ADPRHL1: variants seen among roughly 807,000 people sequenced by gnomAD.
ADPRHL1 encodes the protein ADP-ribosylhydrolase like 1, also known as inactive ADP-ribosyltransferase ARH2.
Under a neutral mutation model 44.1 loss-of-function variants are expected in ADPRHL1, and 43 were observed. The ratio of observed to expected loss-of-function variants is 0.98; its 90% CI spans 0.76 to 1.26. The LOEUF (loss-of-function observed/expected upper bound fraction) is 1.26, where lower values mean the gene tolerates loss of function less well. Among genes scored for constraint, ADPRHL1 ranks in the 50% most tolerant of loss-of-function variants. The pLI is 0.00. For missense variants in ADPRHL1, 2,022 were observed against 2,496.9 expected, an observed-to-expected ratio of 0.81 and a Z score of 4.05; for synonymous variants, 878 against 1,017.4, an observed-to-expected ratio of 0.86 and a Z score of 2.61.
chr13:113,446,573 A>G (rs1025278545), intron 1 of ADPRHL1, among the ~76,000 whole-genome samples: 1 of 151,620 alleles, frequency 6.6e-6, no homozygotes, highest in Non-Finnish European at 1.5e-5. Context: ...TGTTGTCTAC[A>G]TGCACAGTGT....
At chr13:113,440,246 A>G (rs2044087772) in intron 2 of ADPRHL1, among the ~76,000 whole-genome samples, 1 of 152,136 alleles carries the variant, frequency 6.6e-6, no homozygotes, top group African/African-American at 2.4e-5. Context: ...CAGCATTGTC[A>G]GTTTTTGCTT....
chr13:113,407,592 C>T lies in ADPRHL1; in HGVS notation c.1690G>A (p.Glu564Lys), dbSNP rs943585834. Residue 564 changes from glutamate (E) to lysine (K), a missense_variant, in exon 8 of 8, where the codon GAG becomes AAG. By Grantham distance (56) the Glu-to-Lys change is moderately conservative. Coordinates refer to ENST00000612156, the MANE Select transcript of ADPRHL1 (RefSeq NM_001394807.1). ...GTGTGCAGCCTCAGCGCACTGGCCT[C>T]GGAGCACAGGCAGCTGTTCTGCTCG... The part of the protein sequence containing the change: ...KFEQNSCLCS[E>K]ASALRLHTQE... The T allele has an allele frequency of 1.1e-5, 13 of 1,232,096 alleles. No homozygotes were observed. Among genetic ancestry groups the T allele is most frequent in the Admixed American group, 4.2e-5 (1 of 23,714 alleles). 76.3% of individuals were successfully genotyped at this position (1,232,096 alleles called of 1,614,324 possible). A position where few individuals can be genotyped will look rare whatever the true frequency, so the allele number is the denominator to read the frequency against.
chr13:113,420,032 C>T (rs1006806006), intron 7 of ADPRHL1, among the ~76,000 whole-genome samples: 4 of 151,672 alleles, frequency 2.6e-5, no homozygotes, highest in East Asian at 1.9e-4. Flanking sequence ...GAGGCTTAGG[C>T]GACCGTGACC....
rs923387614 is a variant in ADPRHL1 at position 113,405,120 on chromosome 13, C to T, written c.4162G>A (p.Glu1388Lys). The change falls in exon 8 of 8, where the codon GAG becomes AAG. Residue 1388 changes from glutamate (E) to lysine (K), a missense_variant. Glu to Lys is a moderately conservative substitution (Grantham distance 56). Coordinates refer to ENST00000612156, the MANE Select transcript of ADPRHL1 (RefSeq NM_001394807.1). ...CCCGCATCCCCGGGCTGGGGGGTCT[C>T]CTCCTGTGCCTGGTGACTCTGTTGC... ...GRQQSHQAQE[E>K]TPQPGDAGKR... 1 of 1,232,164 alleles carries T rather than the reference C, an allele frequency of 8.1e-7. No homozygotes were observed. The highest frequency in any genetic ancestry group is 1.0e-6 in the Non-Finnish European group (1 of 988,300). The allele number at this position is 1,232,164 out of a possible 1,614,324, so 76.3% of individuals were successfully genotyped here.
chr13:113,405,324 C>T lies in ADPRHL1; in HGVS notation c.3958G>A (p.Ala1320Thr), dbSNP rs1000636897. 12 of 1,231,838 alleles carry T rather than the reference C, an allele frequency of 9.7e-6. No homozygotes were observed. The highest frequency in any genetic ancestry group is 8.4e-5 in the Admixed American group (2 of 23,728). 76.3% of individuals were successfully genotyped at this position (1,231,838 alleles called of 1,614,324 possible). ...CCTACCCACCCCATGTCCACCTCCG[C>T]GGGAGGCACTGCGGGAAGCAGATGG... ...PDHLLPAVPP[A>T]EVDMGWVGGT... Residue 1320 changes from alanine (A) to threonine (T), a missense_variant, in exon 8 of 8, where the codon GCG (alanine) becomes ACG (threonine). By Grantham distance (58) the Ala-to-Thr change is moderately conservative. Coordinates refer to ENST00000612156, the MANE Select transcript of ADPRHL1 (RefSeq NM_001394807.1).
chr13:113,432,635 G>A (rs1193959387), intron 3 of ADPRHL1, among the ~76,000 whole-genome samples: 2 of 60,976 alleles, frequency 3.3e-5, no homozygotes, highest in African/African-American at 5.8e-5. Context: ...GTAAAGGCAC[G>A]CACCTGCTTT....
chr13:113,448,257 G>A (rs1370004051), intron 1 of ADPRHL1, among the ~76,000 whole-genome samples: 1 of 151,902 alleles, frequency 6.6e-6, no homozygotes, highest in African/African-American at 2.4e-5. Flanking sequence ...CACTTTGGGA[G>A]GCTGGGATGG....
In ADPRHL1 at chr13:113,444,474, T is replaced by C. The variant is rs973078435; in HGVS notation, c.330A>G (p.Leu110=). ...AGGCGAGAAGGTAGTTATTGGGCTT[T>C]AGCTGAGCACAGCCTTCAATGGTAG... The part of the protein sequence containing the change: ...DPATIEGCAQ[L]KPNNYLLAWH... Residue 110 remains leucine, a synonymous_variant, in exon 2 of 8, where the codon CTA becomes CTG. Transcript: ENST00000612156. The C allele has an allele frequency of 4.3e-6, 7 of 1,614,110 alleles. No homozygotes were observed. Among genetic ancestry groups the C allele is most frequent in the Non-Finnish European group, 5.9e-6 (7 of 1,180,048 alleles).
At chr13:113,436,597 G>A (rs371757978) in intron 2 of ADPRHL1, among the ~76,000 whole-genome samples, 1 of 21,924 alleles carries the variant, frequency 4.6e-5, no homozygotes. Flanking sequence ...GAACATAGGT[G>A]TACCCCGGGA....
At chr13:113,451,361 C>T (rs553760936) in intron 1 of ADPRHL1, among the ~76,000 whole-genome samples, 2 of 152,156 alleles carry the variant, frequency 1.3e-5, no homozygotes, top group South Asian at 4.2e-4. Context: ...GCCTCAGTGC[C>T]TGGGTGGCTT....
intron 7 of ADPRHL1, among the ~76,000 whole-genome samples, chr13:113,419,054 T>C: frequency 2.7e-5 from 4 of 149,166 alleles, no homozygotes; most frequent in South Asian, 2.2e-4. Context: ...CCCTTCCTTC[T>C]TCTCCTTCCT....
intron 3 of ADPRHL1, among the ~76,000 whole-genome samples, chr13:113,430,399 G>A (rs1374632021): frequency 2.0e-5 from 3 of 152,190 alleles, no homozygotes; most frequent in Non-Finnish European, 4.4e-5. Context: ...CAGCCGCTGC[G>A]GGTCAGTAGT....
intron 1 of ADPRHL1, among the ~76,000 whole-genome samples, chr13:113,446,701 T>A (rs1004979785): frequency 6.6e-6 from 1 of 152,044 alleles, no homozygotes; most frequent in South Asian, 2.1e-4. Context: ...CTGTCCTGCA[T>A]GTATGATATT....
intron 1 of ADPRHL1, among the ~76,000 whole-genome samples, chr13:113,450,389 C>T (rs1477845268): frequency 6.6e-6 from 1 of 152,118 alleles, no homozygotes; most frequent in Admixed American, 6.5e-5. Flanking sequence ...CCCACAGGGT[C>T]GGTGGGTCTC....
intron 2 of ADPRHL1, among the ~76,000 whole-genome samples, chr13:113,443,773 C>T (rs2044115888): frequency 6.6e-6 from 1 of 152,002 alleles, no homozygotes; most frequent in South Asian, 2.1e-4. Flanking sequence ...GGTGAAACCC[C>T]ATCCTTACTA....
chr13:113,410,979 G>A lies in ADPRHL1; in HGVS notation c.1062-2759C>T, dbSNP rs548387600. ...AGAGCCTGTCACACGTTTTGTCCCCGCTCTGGGCATTTCAGTTGTCTTAAT... is the reference window on the plus strand; with the variant it reads ...AGAGCCTGTCACACGTTTTGTCCCCACTCTGGGCATTTCAGTTGTCTTAAT... On this transcript the variant is annotated intron_variant, in intron 7 of 7. Coordinates refer to ENST00000612156, the MANE Select transcript of ADPRHL1 (RefSeq NM_001394807.1). 6.6e-5 allele frequency among the ~76,000 whole-genome samples: 10 copies of A among 152,306 alleles called. No homozygotes were observed. In the East Asian group the frequency reaches 9.6e-4, roughly 15 times the overall value.
chr13:113,423,476 C>A (rs1815976286), intron 6 of ADPRHL1, among the ~76,000 whole-genome samples: 1 of 152,252 alleles, frequency 6.6e-6, no homozygotes, highest in African/African-American at 2.4e-5. Flanking sequence ...GCTGAGCCGG[C>A]TCTGTGCAGA....
intron 3 of ADPRHL1, 85 bp downstream of exon 3, chr13:113,433,657 A>T: frequency 1.8e-6 from 2 of 1,095,758 alleles, no homozygotes; most frequent in Non-Finnish European, 2.3e-6. Context: ...CCCGCCCCCC[A>T]CCCCACACTT....
chr13:113,436,077 T>C (rs372446576), intron 2 of ADPRHL1, among the ~76,000 whole-genome samples: 7,529 of 43,718 alleles, frequency 0.17, no homozygotes, highest in East Asian at 0.29. Flanking sequence ...CACCCAGGTG[T>C]AGAGTGAACA....
Sources: gnomAD v4.1 joint callset for allele counts (sites outside exome capture counted in the v4.1 genomes callset) on GRCh38, gnomAD v4.1.1 for gene constraint, MANE v1.5 for transcripts, NCBI Gene and HGNC (gene_info 2026-07-23, HGNC 2026-07-21) for gene names.